The following WNT9B variants were observed in gnomAD, a reference collection of about 807,000 sequenced individuals.
WNT9B encodes the protein Wnt family member 9B, also known as protein Wnt-9b.
In WNT9B, 12 loss-of-function variants were observed where a neutral mutation model predicts 30.2. The observed-to-expected ratio is 0.40, with a 90% CI of 0.26 to 0.64. WNT9B has a LOEUF of 0.64. Among genes scored for constraint, WNT9B ranks in the 30% least tolerant of loss-of-function variants. WNT9B has a pLI of 0.42. For synonymous variants in WNT9B, 218 were observed against 216.9 expected, an observed-to-expected ratio of 1.01 and a Z score of -0.05; for missense variants, 442 against 485.2, an observed-to-expected ratio of 0.91 and a Z score of 0.84.
chr17:46,867,057 G>T (rs2085152144), intron 1 of WNT9B, among the ~76,000 whole-genome samples: 1 of 152,192 alleles, frequency 6.6e-6, no homozygotes, highest in Admixed American at 6.5e-5. Flanking sequence ...TTCTGATCTG[G>T]GTCCCTAAGC....
rs999424551 is a variant in WNT9B, at chr17:46,879,850, C to T, written c.*3132C>T. On this transcript the variant is annotated 3_prime_UTR_variant, in exon 4 of 4. Transcript: ENST00000290015. ...GTTGGCACTTCCCCCAAGTGGAGTC[C>T]CATGTCTCAGGGGCTTTGGCTGCCT... Among the ~76,000 whole-genome samples, 3 of 152,182 alleles carry T rather than the reference C, an allele frequency of 2.0e-5. No individual in the cohort carries two copies. The highest frequency in any genetic ancestry group is 7.2e-5 in the African/African-American group (3 of 41,436).
chr17:46,840,648 T>C (rs370141960), intron 1 of WNT9B, among the ~76,000 whole-genome samples: 17 of 152,328 alleles, frequency 1.1e-4, no homozygotes, highest in Middle Eastern at 6.8e-3. Context: ...TTTCTCCACA[T>C]CCTTTCCTGC....
intron 1 of WNT9B, among the ~76,000 whole-genome samples, chr17:46,854,103 G>C (rs987253735): frequency 1.3e-5 from 2 of 152,186 alleles, no homozygotes; most frequent in African/African-American, 2.4e-5. Context: ...CCAATCTGGG[G>C]AGCAGGACAG....
chr17:46,882,166 A>C (rs1342156728), downstream of WNT9B, among the ~76,000 whole-genome samples: 1 of 152,172 alleles, frequency 6.6e-6, no homozygotes, highest in African/African-American at 2.4e-5. Context: ...TAAAAAATTA[A>C]AATTAAAAAA....
intron 1 of WNT9B, among the ~76,000 whole-genome samples, chr17:46,865,098 G>A (rs1184149525): frequency 2.6e-5 from 4 of 152,210 alleles, no homozygotes; most frequent in Non-Finnish European, 4.4e-5. Flanking sequence ...TGATGCATAC[G>A]TGCCAGGGAC....
rs377529749 is a variant in WNT9B, at chr17:46,875,093, C to T, written c.335-8C>T. 2.7e-5 allele frequency: 44 copies of T among 1,613,552 alleles called. 1 individual carries two copies. In the African/African-American group the frequency reaches 4.1e-4, roughly 15 times the overall value. ...CTCCCTCCCTATGCCCCTGGGTGCC[C>T]GATCCAGGCTTCAAAGAGACAGCTT... On this transcript the variant is annotated splice_region_variant and splice_polypyrimidine_tract_variant and intron_variant, in intron 2 of 3. Coordinates refer to ENST00000290015, the MANE Select transcript of WNT9B (RefSeq NM_003396.3).
At chr17:46,850,959 C>G (rs2084833943), upstream of WNT9B, among the ~76,000 whole-genome samples, 1 of 152,220 alleles carries the variant, frequency 6.6e-6, no homozygotes, top group South Asian at 2.1e-4. Flanking sequence ...GTAACAGTCA[C>G]TCTCCCGTTT....
chr17:46,858,877 G>A (rs2084984526), intron 1 of WNT9B, among the ~76,000 whole-genome samples: 1 of 151,996 alleles, frequency 6.6e-6, no homozygotes. Flanking sequence ...ATGTTGCTCA[G>A]GCTGGTCTCA....
intron 1 of WNT9B, among the ~76,000 whole-genome samples, chr17:46,839,919 T>C (rs866073265): frequency 1.3e-5 from 1 of 76,108 alleles, no homozygotes; most frequent in African/African-American, 5.3e-5. Flanking sequence ...CTCTTTTCTT[T>C]CTTTCTTTCT....
intron 1 of WNT9B, among the ~76,000 whole-genome samples, chr17:46,852,207 G>A (rs2084860965): frequency 1.3e-5 from 2 of 152,350 alleles, no homozygotes; most frequent in Non-Finnish European, 2.9e-5. Context: ...TGGGTGGGAC[G>A]GGCTGTTCCC....
chr17:46,853,773 T>C (rs1264841634), intron 1 of WNT9B, among the ~76,000 whole-genome samples: 2 of 152,140 alleles, frequency 1.3e-5, no homozygotes, highest in Non-Finnish European at 2.9e-5. Context: ...CTATATCCTC[T>C]TACACACTGG....
chr17:46,851,131 C>T (rs1378798342), upstream of WNT9B, among the ~76,000 whole-genome samples: 2 of 152,156 alleles, frequency 1.3e-5, no homozygotes, highest in African/African-American at 4.8e-5. The surrounding 1 kb of genome is among the most constrained non-coding windows in gnomAD (Gnocchi z 4.3). Flanking sequence ...GAAGAGACCG[C>T]ACTTGCCCGG....
rs185918306 is a variant in WNT9B, at chr17:46,877,002, G to C, written c.*284G>C. The C allele has an allele frequency of 3.7e-5, 46 of 1,250,022 alleles. No individual in the cohort carries two copies. In the African/African-American group the frequency reaches 5.6e-4, roughly 15 times the overall value. The allele number at this position is 1,250,022 out of a possible 1,614,324, so 77.4% of individuals were successfully genotyped here. On this transcript the variant is annotated 3_prime_UTR_variant, in exon 4 of 4. Coordinates refer to ENST00000290015, the MANE Select transcript of WNT9B (RefSeq NM_003396.3). Reference sequence around the variant, plus strand: ...GTGAGAAAGACATGGAGGGAAATAAGGGAGACCAAGAGCACAGCAGGACTG... The same window carrying C: ...GTGAGAAAGACATGGAGGGAAATAACGGAGACCAAGAGCACAGCAGGACTG...
At chr17:46,836,095 CGTG>C (rs2084626607) in intron 1 of WNT9B, among the ~76,000 whole-genome samples, 5 of 126,434 alleles carry the variant, frequency 4.0e-5, no homozygotes, top group Admixed American at 8.1e-5. Flanking sequence ...GAGACGCTGA[CGTG>C]TGTGTGTGTG....
At chr17:46,851,343 C>A (rs1378118100), upstream of WNT9B, among the ~76,000 whole-genome samples, 1 of 151,692 alleles carries the variant, frequency 6.6e-6, no homozygotes, top group Non-Finnish European at 1.5e-5. The surrounding 1 kb of genome is among the most constrained non-coding windows in gnomAD (Gnocchi z 4.3). Flanking sequence ...CACCGCGACC[C>A]CGGGCGGGCG....
intron 1 of WNT9B, among the ~76,000 whole-genome samples, chr17:46,871,364 G>C (rs1027119194): frequency 6.6e-6 from 1 of 152,186 alleles, no homozygotes; most frequent in South Asian, 2.1e-4. Context: ...ATCTCACAGA[G>C]AGCTTCTGGG....
chr17:46,853,120 G>A (rs1432158156), intron 1 of WNT9B, among the ~76,000 whole-genome samples: 1 of 152,140 alleles, frequency 6.6e-6, no homozygotes, highest in Non-Finnish European at 1.5e-5. Context: ...CAGGCTTGAA[G>A]GAATGGTTGT....
rs1447246180 is a variant in WNT9B, at chr17:46,879,648, A to G, written c.*2930A>G. Among the ~76,000 whole-genome samples, 1 of 151,938 alleles carries G rather than the reference A, an allele frequency of 6.6e-6. No individual in the cohort carries two copies. Among genetic ancestry groups the G allele is most frequent in the African/African-American group, 2.4e-5 (1 of 41,448 alleles). ...GAGATGGAGAGCTGTGCTCAAAGTCACACCTAAGAGACTTGTTCAATGAAT... is the reference window on the plus strand; with the variant it reads ...GAGATGGAGAGCTGTGCTCAAAGTCGCACCTAAGAGACTTGTTCAATGAAT... On this transcript the variant is annotated 3_prime_UTR_variant, in exon 4 of 4. Transcript: ENST00000290015.
Position 46,872,782 on chromosome 17 carries a change from G to GA in WNT9B, c.334+10dup. On this transcript the variant is annotated intron_variant, in intron 2 of 3. Coordinates refer to ENST00000290015, the MANE Select transcript of WNT9B (RefSeq NM_003396.3). ...GGGCCTGCTCAAGAGAGGTGGGGAG[G>GA]AGGGCTAGGGGACGGGGAGGGCTGG... 1 of 1,574,564 alleles carries GA rather than the reference G, an allele frequency of 6.4e-7. No individual in the cohort carries two copies. Among genetic ancestry groups the GA allele is most frequent in the Non-Finnish European group, 8.7e-7 (1 of 1,152,924 alleles).
Sources: allele counts gnomAD v4.1 joint callset (sites outside exome capture counted in the v4.1 genomes callset), GRCh38; gene constraint gnomAD v4.1.1; non-coding constraint Gnocchi (gnomAD v3.1); transcripts MANE v1.5; gene names NCBI Gene and HGNC (gene_info 2026-07-23, HGNC 2026-07-21).